The following UBE3D variants were observed in gnomAD, a reference collection of about 807,000 sequenced individuals.
The protein encoded by UBE3D is E3 ubiquitin-protein ligase E3D.
In UBE3D, 48 loss-of-function variants were observed where a neutral mutation model predicts 49.6. The observed-to-expected ratio is 0.97, with a 90% confidence interval of 0.77 to 1.23. The LOEUF is 1.23. Ranked by LOEUF, UBE3D falls within the 50% of genes most tolerant of loss-of-function variation. The probability of loss-of-function intolerance (pLI) is 0.00; values close to 1 mark genes in which losing one functional copy is unlikely to be tolerated. For missense variants in UBE3D, 452 were observed against 468.4 expected (o/e 0.96, Z 0.32); for synonymous variants, 189 against 174.2 (o/e 1.08, Z -0.67).
chr6:82,952,142 T>A (rs186252609), intron 9 of UBE3D, among the ~76,000 whole-genome samples: 1 of 152,216 alleles, frequency 6.6e-6, no homozygotes, highest in Non-Finnish European at 1.5e-5. Context: ...TAACCAACCT[T>A]ATTAAAAGAG....
At chr6:82,946,370 A>C (rs540688238) in intron 9 of UBE3D, among the ~76,000 whole-genome samples, 1 of 152,126 alleles carries the variant, frequency 6.6e-6, no homozygotes, top group Non-Finnish European at 1.5e-5. Flanking sequence ...TAAAATGCTG[A>C]AGGAAAAAAA....
chr6:83,026,565 TAATA>T lies in UBE3D; in HGVS notation c.668-2531_668-2528del, dbSNP rs1346229297. On this transcript the variant is annotated intron_variant, in intron 5 of 9. Coordinates refer to ENST00000369747, the MANE Select transcript of UBE3D (RefSeq NM_198920.3). ...AAAAAAAATAAATGGTTTCATAGAT[TAATA>T]TATAGACAGCCATGACAGATTTACC... 5.3e-5 allele frequency among the ~76,000 whole-genome samples: 8 copies of T among 152,294 alleles called. No homozygotes were observed. In the East Asian group the frequency reaches 1.2e-3, roughly 22 times the overall value.
rs58841514 is a variant in UBE3D, at chr6:82,986,470, C to CAA, written c.1011-29022_1011-29021dup. On this transcript the variant is annotated intron_variant, in intron 8 of 9. Coordinates refer to ENST00000369747, the MANE Select transcript of UBE3D (RefSeq NM_198920.3). ...TGGGTGACAGAGAAACACTCTGTCT[C>CAA]AAAAAAAAAAAAAAAAAAAAAAAAA... Among the ~76,000 whole-genome samples, 142 of 34,826 alleles carry CAA rather than the reference C, an allele frequency of 4.1e-3. 8 individuals carry two copies. Among genetic ancestry groups the CAA allele is most frequent in the African/African-American group, 0.01 (100 of 9,812 alleles). The allele number at this position is 34,826 out of a possible 152,430, so 22.8% of individuals were successfully genotyped here.
At chr6:82,976,136 T>C (rs1208999289) in intron 8 of UBE3D, among the ~76,000 whole-genome samples, 1 of 152,230 alleles carries the variant, frequency 6.6e-6, no homozygotes, top group East Asian at 1.9e-4. Context: ...CCTTAGCACT[T>C]GGCAGAAACA....
At chr6:83,041,331 C>T (rs1291962685) in intron 4 of UBE3D, among the ~76,000 whole-genome samples, 1 of 152,140 alleles carries the variant, frequency 6.6e-6, no homozygotes, top group Non-Finnish European at 1.5e-5. Flanking sequence ...CATGGGTAAT[C>T]AGGATTTAAA....
At chr6:82,966,045 T>G (rs1230778204) in intron 8 of UBE3D, among the ~76,000 whole-genome samples, 1 of 152,242 alleles carries the variant, frequency 6.6e-6, no homozygotes, top group East Asian at 1.9e-4. Flanking sequence ...CTGTAGTTAG[T>G]GCTCAAATAT....
chr6:83,049,497 AC>A (rs1783314833), intron 3 of UBE3D, among the ~76,000 whole-genome samples: 2 of 152,200 alleles, frequency 1.3e-5, no homozygotes, highest in Admixed American at 1.3e-4. Context: ...GCAGTTGGTG[AC>A]TGTACTCTTT....
chr6:82,923,066 C>T (rs1773470497), intron 9 of UBE3D, among the ~76,000 whole-genome samples: 1 of 152,166 alleles, frequency 6.6e-6, no homozygotes, highest in Non-Finnish European at 1.5e-5. Flanking sequence ...ATAACAAATG[C>T]TGGAGAGGTT....
intron 4 of UBE3D, among the ~76,000 whole-genome samples, chr6:83,040,505 C>T (rs1451834726): frequency 1.3e-5 from 2 of 152,120 alleles, no homozygotes; most frequent in African/African-American, 2.4e-5. Context: ...GCCTCAAACA[C>T]ATGCAACTAG....
At chr6:83,007,894 G>A (rs139124985) in intron 8 of UBE3D, among the ~76,000 whole-genome samples, 179 of 152,224 alleles carry the variant, frequency 1.2e-3, no homozygotes, top group Non-Finnish European at 1.7e-3. Flanking sequence ...GCAGTGAGCC[G>A]AGATTGACCC....
At chr6:83,053,561 C>G (rs983647806) in intron 3 of UBE3D, among the ~76,000 whole-genome samples, 1 of 151,912 alleles carries the variant, frequency 6.6e-6, no homozygotes, top group Admixed American at 6.6e-5. Context: ...GTAAAAAAAC[C>G]CAAAAACAAC....
chr6:82,937,306 TC>T (rs1482536832), intron 9 of UBE3D, among the ~76,000 whole-genome samples: 48 of 139,220 alleles, frequency 3.4e-4, no homozygotes, highest in African/African-American at 1.1e-3. Context: ...GGCTGTTGTT[TC>T]CCCCTTCTAA....
intron 8 of UBE3D, among the ~76,000 whole-genome samples, chr6:82,986,517 A>C (rs1778518908): frequency 6.7e-6 from 1 of 149,268 alleles, no homozygotes; most frequent in African/African-American, 2.4e-5. Context: ...CTCTTTTCCA[A>C]AAGTATTTTA....
chr6:82,977,480 A>T (rs1233357477), intron 8 of UBE3D, among the ~76,000 whole-genome samples: 3 of 152,168 alleles, frequency 2.0e-5, no homozygotes, highest in Admixed American at 2.0e-4. Context: ...ATTGACCCTG[A>T]TAAGCTCTTA....
intron 8 of UBE3D, among the ~76,000 whole-genome samples, chr6:83,002,263 T>A (rs1345605006): frequency 6.6e-6 from 1 of 152,206 alleles, no homozygotes; most frequent in Non-Finnish European, 1.5e-5. Flanking sequence ...GTGGTTTGAA[T>A]GTTTGTGGCC....
the UBE3D span, among the ~76,000 whole-genome samples, chr6:82,882,996 T>A: frequency 3.4e-4 from 52 of 152,294 alleles, no homozygotes; most frequent in African/African-American, 1.2e-3. Context: ...ATGGCCACTT[T>A]ACACAAAGTT....
In UBE3D at chr6:83,030,222, C is replaced by T. The variant is rs921181906; in HGVS notation, c.668-6184G>A. On this transcript the variant is annotated intron_variant, in intron 5 of 9. Transcript: ENST00000369747. ...AGTAATTAAAATTAAAAAAAAAAGA[C>T]GTTTCTGATATGGTTTGGCTATGTC... Among the ~76,000 whole-genome samples, 7 of 151,900 alleles carry T rather than the reference C, an allele frequency of 4.6e-5. 1 individual carries two copies. The highest frequency in any genetic ancestry group is 7.3e-5 in the African/African-American group (3 of 41,348).
Position 83,020,496 on chromosome 6 carries a change from A to G in UBE3D, c.847-1360T>C, listed in dbSNP as rs554203281. Among the ~76,000 whole-genome samples, 4 of 152,300 alleles carry G rather than the reference A, an allele frequency of 2.6e-5. No individual in the cohort carries two copies. The East Asian group carries it at 7.7e-4, about 29-fold the overall frequency. On this transcript the variant is annotated intron_variant, in intron 7 of 9. Coordinates refer to ENST00000369747, the MANE Select transcript of UBE3D (RefSeq NM_198920.3). ...GATATAGCAAGGCAGGAAAGGGAACACTTTATGTTCTTCATGTTCCCTGAT... is the reference window on the plus strand; with the variant it reads ...GATATAGCAAGGCAGGAAAGGGAACGCTTTATGTTCTTCATGTTCCCTGAT...
At chr6:83,003,064 G>A (rs1458795977) in intron 8 of UBE3D, among the ~76,000 whole-genome samples, 1 of 151,982 alleles carries the variant, frequency 6.6e-6, no homozygotes, top group Non-Finnish European at 1.5e-5. Context: ...TATTAATACA[G>A]TAGCAAGTAT....
Sources: gnomAD v4.1 joint callset for allele counts (sites outside exome capture counted in the v4.1 genomes callset) on GRCh38, gnomAD v4.1.1 for gene constraint, MANE v1.5 for transcripts, NCBI Gene and HGNC (gene_info 2026-07-23, HGNC 2026-07-21) for gene names.